The following KCNN2 variants were observed in gnomAD, a reference collection of about 807,000 sequenced individuals.
KCNN2 encodes small conductance calcium-activated potassium channel protein 2.
A neutral mutation model predicts 55.5 loss-of-function variants in KCNN2; 24 were observed. The ratio of observed to expected loss-of-function variants is 0.43; its 90% confidence interval spans 0.31 to 0.61. The LOEUF (loss-of-function observed/expected upper bound fraction) is 0.61, where lower values mean the gene tolerates loss of function less well. KCNN2 is among the 20% of genes least tolerant of loss of function. The probability of loss-of-function intolerance (pLI) is 0.08; values close to 1 mark genes in which losing one functional copy is unlikely to be tolerated. For synonymous variants in KCNN2, 431 were observed against 336.1 expected (o/e 1.28, Z -3.09); for missense variants, 754 against 853.6 (o/e 0.88, Z 1.45).
Position 114,391,801 on chromosome 5 carries a change from A to C in KCNN2, c.1219-12637A>C, listed in dbSNP as rs74833825. On this transcript the variant is annotated intron_variant, in intron 2 of 7. Transcript: ENST00000673685. ...GCTCAAGTAACAGAAAATCCACCTGATGGTGACTTTAACAAATGGGGTAGG... is the reference window on the plus strand; with the variant it reads ...GCTCAAGTAACAGAAAATCCACCTGCTGGTGACTTTAACAAATGGGGTAGG... 9.6e-3 allele frequency among the ~76,000 whole-genome samples: 1,455 copies of C among 152,284 alleles called. 147 individuals are homozygous for C. The East Asian group carries it at 0.22, about 23-fold the overall frequency.
chr5:114,282,909 T>G (rs1260201699), intron 2 of KCNN2, among the ~76,000 whole-genome samples: 2 of 152,190 alleles, frequency 1.3e-5, no homozygotes, highest in Non-Finnish European at 2.9e-5. Flanking sequence ...TGCTCTGGCT[T>G]CCAAAATCAC....
intron 3 of KCNN2, 67 bp from the exon 4 acceptor site, chr5:114,462,982 C>G (rs1761276379): frequency 2.7e-6 from 4 of 1,466,246 alleles, no homozygotes; most frequent in Non-Finnish European, 3.7e-6. Context: ...TGAATTGAAC[C>G]AAACCACACT....
chr5:114,420,423 T>C (rs1759439427), intron 3 of KCNN2, among the ~76,000 whole-genome samples: 1 of 152,228 alleles, frequency 6.6e-6, no homozygotes, highest in Admixed American at 6.5e-5. Flanking sequence ...CTTTGTCCCC[T>C]GGTCTCTGCT....
chr5:114,262,941 C>T (rs1211622438), intron 2 of KCNN2, among the ~76,000 whole-genome samples: 3 of 152,182 alleles, frequency 2.0e-5, no homozygotes, highest in South Asian at 2.1e-4. Context: ...TTATATCATT[C>T]GCCAATTGTG....
chr5:114,066,613 C>G (rs544259176), intron 1 of KCNN2, among the ~76,000 whole-genome samples: 13 of 152,288 alleles, frequency 8.5e-5, no homozygotes, highest in Admixed American at 7.8e-4. Flanking sequence ...CTCGCTCTGT[C>G]TCTGTTGCCA....
intron 1 of KCNN2, among the ~76,000 whole-genome samples, chr5:114,147,589 C>G (rs1439387249): frequency 6.6e-6 from 1 of 152,130 alleles, no homozygotes; most frequent in Non-Finnish European, 1.5e-5. Context: ...AGAGACTTGT[C>G]CCTCTTTCAC....
At chr5:114,314,408 C>T (rs73243748) in intron 2 of KCNN2, among the ~76,000 whole-genome samples, 3,107 of 152,106 alleles carry the variant, frequency 0.02, 121 homozygotes, top group African/African-American at 0.071. Flanking sequence ...TATGTAATGT[C>T]ATATATTTAC....
intron 2 of KCNN2, among the ~76,000 whole-genome samples, chr5:114,341,970 C>T (rs1190911034): frequency 1.3e-4 from 19 of 150,634 alleles, no homozygotes; most frequent in Non-Finnish European, 2.5e-4. Context: ...GGCATGATCT[C>T]GGCTCACTGC....
At chr5:114,283,663 A>G (rs1052162550) in intron 2 of KCNN2, among the ~76,000 whole-genome samples, 3 of 152,174 alleles carry the variant, frequency 2.0e-5, no homozygotes, top group Non-Finnish European at 4.4e-5. Context: ...GGGACTTGGA[A>G]TATACCTTCT....
At position 114,281,147 on chromosome 5, in the gene KCNN2, A is replaced by T. The variant is rs572025645; in HGVS notation, c.-185+59582A>T. On this transcript the variant is annotated intron_variant, in intron 2 of 10. Coordinates refer to the KCNN2 transcript ENST00000512097. ...CCTTCTACTCAGGTTTTGCCTTCCT[A>T]ACAAGGAAATATGCTTAACATTATA... is the stretch of plus-strand genomic sequence containing the variant. Among the ~76,000 whole-genome samples, 38 of 152,238 alleles carry T rather than the reference A, an allele frequency of 2.5e-4. No homozygotes were observed. In the South Asian group the frequency reaches 5.4e-3, roughly 22 times the overall value.
intron 1 of KCNN2, among the ~76,000 whole-genome samples, chr5:114,123,072 G>A (rs1751856752): frequency 6.6e-6 from 1 of 152,148 alleles, no homozygotes; most frequent in African/African-American, 2.4e-5. Flanking sequence ...AAGGACGGTA[G>A]AAAATGAATG....
At chr5:114,175,357 T>C (rs1753114024) in intron 1 of KCNN2, among the ~76,000 whole-genome samples, 1 of 152,214 alleles carries the variant, frequency 6.6e-6, no homozygotes, top group South Asian at 2.1e-4. Context: ...TTGTGCTCTT[T>C]CTAGGCATAG....
At chr5:114,327,232 G>A (rs1222651548) in intron 2 of KCNN2, among the ~76,000 whole-genome samples, 1 of 152,206 alleles carries the variant, frequency 6.6e-6, no homozygotes, top group Admixed American at 6.5e-5. Context: ...CAAAGTCTTA[G>A]TGTGTATTAG....
intron 2 of KCNN2, among the ~76,000 whole-genome samples, chr5:114,374,917 A>T (rs906359504): frequency 6.6e-5 from 10 of 152,120 alleles, no homozygotes; most frequent in Non-Finnish European, 1.2e-4. Flanking sequence ...AGGTAGTTTG[A>T]CCACTGTGAC....
chr5:114,133,015 C>T (rs968489897), intron 1 of KCNN2, among the ~76,000 whole-genome samples: 4 of 152,098 alleles, frequency 2.6e-5, no homozygotes, highest in African/African-American at 9.7e-5. Flanking sequence ...ATTCTTCTAC[C>T]CATATTCCCA....
chr5:114,340,675 TG>T (rs1344927705), intron 2 of KCNN2, among the ~76,000 whole-genome samples: 2 of 151,058 alleles, frequency 1.3e-5, no homozygotes, highest in African/African-American at 4.9e-5. Flanking sequence ...TGCATGTGTG[TG>T]TGTGTGTGTG....
At chr5:114,361,464 G>A (rs370771055), upstream of KCNN2, among the ~76,000 whole-genome samples, 81 of 152,218 alleles carry the variant, frequency 5.3e-4, no homozygotes, top group African/African-American at 1.9e-3. Context: ...TGGCGCAGCC[G>A]GTCGCCAAAC....
intron 1 of KCNN2, among the ~76,000 whole-genome samples, chr5:114,155,648 GC>G (rs1202701206): frequency 6.6e-6 from 1 of 152,088 alleles, no homozygotes; most frequent in Non-Finnish European, 1.5e-5. Flanking sequence ...CCAATGTTGA[GC>G]TTTTATTATG....
chr5:114,373,300 C>G (rs957531418), intron 2 of KCNN2, among the ~76,000 whole-genome samples: 1 of 151,748 alleles, frequency 6.6e-6, no homozygotes, highest in African/African-American at 2.4e-5. Flanking sequence ...AAGGGTATCC[C>G]TTTTGAATAG....
Sources: gnomAD v4.1 joint callset for allele counts (sites outside exome capture counted in the v4.1 genomes callset) on GRCh38, gnomAD v4.1.1 for gene constraint, MANE v1.5 for transcripts, NCBI Gene and HGNC (gene_info 2026-07-23, HGNC 2026-07-21) for gene names.